RGS8: variants seen among roughly 807,000 people sequenced by gnomAD.
RGS8 encodes the protein regulator of G-protein signaling 8.
A neutral mutation model predicts 21.7 loss-of-function variants in RGS8; 8 were observed. The observed-to-expected ratio is 0.37, with a 90% CI of 0.22 to 0.66. The LOEUF is 0.66. RGS8 is among the 30% of genes least tolerant of loss of function. The probability of loss-of-function intolerance (pLI) is 0.59; values close to 1 mark genes in which losing one functional copy is unlikely to be tolerated. For synonymous variants in RGS8, 80 were observed against 83.6 expected, an observed-to-expected ratio of 0.96 and a Z score of 0.24; for missense variants, 157 against 217.9, an observed-to-expected ratio of 0.72 and a Z score of 1.76.
At chr1:182,713,526 G>A in the RGS8 span, among the ~76,000 whole-genome samples, 10 of 152,030 alleles carry the variant, frequency 6.6e-5, no homozygotes, top group Non-Finnish European at 5.9e-5. Context: ...GCACTGGCAC[G>A]GGGGATACCT....
At chr1:182,664,455 A>G (rs910433359) in intron 5 of RGS8, among the ~76,000 whole-genome samples, 12 of 152,202 alleles carry the variant, frequency 7.9e-5, no homozygotes, top group Admixed American at 5.9e-4. Context: ...AGGGACTTGA[A>G]CTAAGTGAGT....
chr1:182,655,434 T>A (rs1002175205), intron 5 of RGS8, among the ~76,000 whole-genome samples: 1 of 152,114 alleles, frequency 6.6e-6, no homozygotes, highest in Non-Finnish European at 1.5e-5. Flanking sequence ...AGGGTGCGCA[T>A]AGGCAGGAGA....
upstream of RGS8, among the ~76,000 whole-genome samples, chr1:182,687,946 GA>G (rs1332752645): frequency 6.6e-6 from 1 of 152,214 alleles, no homozygotes; most frequent in Non-Finnish European, 1.5e-5. Context: ...AGAGGGATTG[GA>G]AGACATCTCA....
chr1:182,687,292 C>T (rs1288190930), upstream of RGS8, among the ~76,000 whole-genome samples: 1 of 152,150 alleles, frequency 6.6e-6, no homozygotes, highest in Non-Finnish European at 1.5e-5. Context: ...ATCCTTGGGC[C>T]TCAGCCTCTG....
At chr1:182,740,548 G>GTT in the RGS8 span, among the ~76,000 whole-genome samples, 12 of 75,972 alleles carry the variant, frequency 1.6e-4, no homozygotes, top group Non-Finnish European at 3.2e-4. Flanking sequence ...TTGTTTGTTT[G>GTT]TTTTTTTTTT....
At chr1:182,701,474 T>A in the RGS8 span, among the ~76,000 whole-genome samples, 3 of 152,248 alleles carry the variant, frequency 2.0e-5, no homozygotes, top group African/African-American at 7.2e-5. Flanking sequence ...CATGTCCAGC[T>A]TTCCTTTGAG....
the RGS8 span, among the ~76,000 whole-genome samples, chr1:182,743,055 T>C: frequency 1.6e-4 from 25 of 152,090 alleles, no homozygotes; most frequent in African/African-American, 6.0e-4. Context: ...CCTTGGAAGA[T>C]GTTAGTGTCA....
chr1:182,658,265 G>A (rs1273074007), intron 5 of RGS8: 6 of 152,210 alleles, frequency 3.9e-5, no homozygotes, highest in Non-Finnish European at 1.5e-5. Flanking sequence ...CACTATGAAT[G>A]AGCAGTGCAG....
the RGS8 span, among the ~76,000 whole-genome samples, chr1:182,744,513 T>C: frequency 1.3e-5 from 2 of 152,338 alleles, no homozygotes; most frequent in East Asian, 1.9e-4. Flanking sequence ...GGTGGTCCCA[T>C]AAGTTTATAA....
chr1:182,706,193 T>G, the RGS8 span, among the ~76,000 whole-genome samples: 2,159 of 152,004 alleles, frequency 0.014, 59 homozygotes, highest in African/African-American at 0.05. Flanking sequence ...CCATGTTGCC[T>G]GGGCTGGTCT....
chr1:182,651,025 C>G (rs1185070067), intron 5 of RGS8, among the ~76,000 whole-genome samples: 1 of 152,152 alleles, frequency 6.6e-6, no homozygotes, highest in Non-Finnish European at 1.5e-5. Context: ...AATTTAGACT[C>G]AAATGAGAGG....
chr1:182,715,846 A>G, the RGS8 span, among the ~76,000 whole-genome samples: 2 of 152,146 alleles, frequency 1.3e-5, no homozygotes, highest in Non-Finnish European at 2.9e-5. Context: ...CAGAATAATA[A>G]TACTGGAATG....
the RGS8 span, among the ~76,000 whole-genome samples, chr1:182,704,508 G>A: frequency 3.3e-5 from 5 of 152,166 alleles, no homozygotes; most frequent in African/African-American, 1.2e-4. Flanking sequence ...GTGCCAGTTT[G>A]GAAAAAAGCA....
At chr1:182,697,607 C>G in the RGS8 span, among the ~76,000 whole-genome samples, 504 of 152,316 alleles carry the variant, frequency 3.3e-3, 1 homozygote, top group African/African-American at 0.011. Context: ...AGAACCCTTA[C>G]AAGATGCTAC....
At chr1:182,703,624 C>G in the RGS8 span, among the ~76,000 whole-genome samples, 1 of 152,168 alleles carries the variant, frequency 6.6e-6, no homozygotes, top group African/African-American at 2.4e-5. Context: ...CAGCTATAAC[C>G]TGATTATCTG....
chr1:182,702,270 C>T, the RGS8 span, among the ~76,000 whole-genome samples: 1 of 152,152 alleles, frequency 6.6e-6, no homozygotes, highest in African/African-American at 2.4e-5. Flanking sequence ...AACATGGATG[C>T]AGGTGGAGGC....
chr1:182,732,819 T>G, the RGS8 span, among the ~76,000 whole-genome samples: 8 of 152,166 alleles, frequency 5.3e-5, no homozygotes, highest in Admixed American at 1.3e-4. Context: ...ACAGCCACAG[T>G]GAAAAAGAAT....
chr1:182,670,896 A>T (rs1000620658), intron 2 of RGS8, among the ~76,000 whole-genome samples: 4 of 152,164 alleles, frequency 2.6e-5, no homozygotes, highest in African/African-American at 4.8e-5. Flanking sequence ...TCATGAAATC[A>T]AAGCTTTTGC....
chr1:182,705,104 T>C, the RGS8 span, among the ~76,000 whole-genome samples: 1 of 152,190 alleles, frequency 6.6e-6, no homozygotes, highest in African/African-American at 2.4e-5. Flanking sequence ...AGCAACACCA[T>C]ACATATAGAT....
Sources: gnomAD v4.1 joint callset for allele counts (sites outside exome capture counted in the v4.1 genomes callset) on GRCh38, gnomAD v4.1.1 for gene constraint, MANE v1.5 for transcripts, NCBI Gene and HGNC (gene_info 2026-07-23, HGNC 2026-07-21) for gene names.